COX4I1: variants seen among roughly 807,000 people sequenced by gnomAD.
COX4I1 encodes the protein cytochrome c oxidase subunit 4I1.
A neutral mutation model predicts 21.7 loss-of-function variants in COX4I1; 18 were observed. The ratio of observed to expected loss-of-function variants is 0.83; its 90% CI spans 0.57 to 1.23. COX4I1 has a LOEUF of 1.23. COX4I1 is among the 50% of genes most tolerant of loss of function. The pLI, the probability that COX4I1 is intolerant of heterozygous loss-of-function variation, is 0.00. For synonymous variants in COX4I1, 100 were observed against 81.5 expected, an observed-to-expected ratio of 1.23 and a Z score of -1.23; for missense variants, 238 against 220.7, an observed-to-expected ratio of 1.08 and a Z score of -0.50.
chr16:85,800,297 C>T (rs1905599449), intron 1 of COX4I1, among the ~76,000 whole-genome samples: 1 of 152,346 alleles, frequency 6.6e-6, no homozygotes, highest in South Asian at 2.1e-4. Context: ...ACCAGTCCTC[C>T]GAAGGGTCGA....
intron 2 of COX4I1, among the ~76,000 whole-genome samples, chr16:85,802,468 G>A (rs114418268): frequency 0.01 from 1,593 of 152,342 alleles, 21 homozygotes; most frequent in African/African-American, 0.036. Context: ...AGATGAAGAC[G>A]AACTGCAGGC....
chr16:85,805,292 C>T, intron 3 of COX4I1, 188 bp downstream of exon 3: 2 of 591,072 alleles, frequency 3.4e-6, no homozygotes, highest in South Asian at 4.6e-5. Context: ...GCTCTGCCAG[C>T]TGACAGGATC....
chr16:85,803,593 T>C (rs1905932700), intron 2 of COX4I1: 1 of 152,254 alleles, frequency 6.6e-6, no homozygotes, highest in Admixed American at 6.5e-5. Flanking sequence ...TTCTGATTTC[T>C]GAACTTTTTT....
intron 2 of COX4I1, among the ~76,000 whole-genome samples, chr16:85,802,607 G>C (rs925905919): frequency 2.6e-5 from 4 of 152,196 alleles, no homozygotes; most frequent in Admixed American, 1.3e-4. Flanking sequence ...AGTCAGTTGG[G>C]ATATTTGTGT....
chr16:85,803,690 C>G (rs1368535307), intron 2 of COX4I1: 1 of 152,242 alleles, frequency 6.6e-6, no homozygotes, highest in Non-Finnish European at 1.5e-5. Context: ...TCCTTCCTAC[C>G]TGTATAACAG....
chr16:85,805,072 G>A lies in COX4I1; in HGVS notation c.209G>A (p.Trp70Ter). The A allele has an allele frequency of 6.2e-7, 1 of 1,613,716 alleles. No individual in the cohort carries two copies. ...KALKEKEKAS[W>*]SSLSMDEKVE... ...TTGAAGGAGAAGGAGAAGGCCTCCT[G>A]GAGCAGCCTCTCCATGGATGAGAAA... The change falls in exon 3 of 5, where the codon TGG becomes TAG. Residue 70 changes from tryptophan to a stop codon, truncating the protein, a stop_gained. Transcript: ENST00000253452. LOFTEE classifies it high-confidence loss of function.
Position 85,801,334 on chromosome 16 carries a change from G to C in COX4I1, c.73+56G>C, listed in dbSNP as rs1314138149. On this transcript the variant is annotated intron_variant, in intron 2 of 4. Coordinates refer to ENST00000253452, the MANE Select transcript of COX4I1 (RefSeq NM_001861.6). ...GCTGAACTAATTTCATTTTGCTCCTGCTGTGTATAAAGCCCTGTGCTGGAG... is the reference window on the plus strand; with the variant it reads ...GCTGAACTAATTTCATTTTGCTCCTCCTGTGTATAAAGCCCTGTGCTGGAG... The C allele has an allele frequency of 1.6e-5, 24 of 1,501,496 alleles. No homozygotes were observed. The Admixed American group carries it at 2.9e-4, about 18-fold the overall frequency. The allele number at this position is 1,501,496 out of a possible 1,614,324, so 93.0% of individuals were successfully genotyped here.
intron 2 of COX4I1, among the ~76,000 whole-genome samples, chr16:85,801,666 A>G (rs1042654445): frequency 2.0e-5 from 3 of 152,196 alleles, no homozygotes; most frequent in Non-Finnish European, 4.4e-5. Context: ...AATGGAAACG[A>G]AAGAGCCTGG....
chr16:85,801,134 G>A, intron 1 of COX4I1, 71 bp from the exon 2 acceptor site: 1 of 1,345,980 alleles, frequency 7.4e-7, no homozygotes, highest in Non-Finnish European at 1.1e-6. Flanking sequence ...AAATGCTCTG[G>A]GGCAAAAAGA....
chr16:85,804,263 T>G (rs912309858), intron 2 of COX4I1: 3 of 152,284 alleles, frequency 2.0e-5, no homozygotes, highest in African/African-American at 4.8e-5. Flanking sequence ...CTCATTAGTT[T>G]GAGTCCCTTG....
intron 4 of COX4I1, 31 bp from the exon 5 acceptor site, chr16:85,806,704 ATAG>A (rs1906231026): frequency 3.1e-6 from 5 of 1,613,830 alleles, no homozygotes; most frequent in African/African-American, 1.3e-5. Flanking sequence ...ACCTGTTGAG[ATAG>A]TCTTGCCCCA....
chr16:85,801,465 C>T (rs1348278377), intron 2 of COX4I1, among the ~76,000 whole-genome samples, 187 bp downstream of exon 2: 2 of 152,118 alleles, frequency 1.3e-5, no homozygotes, highest in Non-Finnish European at 2.9e-5. Flanking sequence ...AATTGAATCT[C>T]TTCTGGATCT....
At chr16:85,806,406 T>G (rs534126257) in intron 4 of COX4I1, 3 of 642,918 alleles carry the variant, frequency 4.7e-6, no homozygotes, top group African/African-American at 4.9e-5. Flanking sequence ...ACTTTTGGTT[T>G]GAATGTGGAT....
At chr16:85,803,940 A>G (rs548019640) in intron 2 of COX4I1, 1 of 152,326 alleles carries the variant, frequency 6.6e-6, no homozygotes, top group South Asian at 2.1e-4. Context: ...ACTTTTTCCA[A>G]ACATGTGATT....
At position 85,805,876 on chromosome 16, in the gene COX4I1, G is replaced by A. The variant is rs769600744; in HGVS notation, c.373+12G>A. On this transcript the variant is annotated intron_variant, in intron 4 of 4. Coordinates refer to ENST00000253452, the MANE Select transcript of COX4I1 (RefSeq NM_001861.6). ...GCAGAAGCACTATGGTGAGTAGAGA[G>A]GGAGGAAGGCATGGGCGCCTGGACT... 6 of 1,613,878 alleles carry A rather than the reference G, an allele frequency of 3.7e-6. 1 individual carries two copies. The East Asian group carries it at 6.7e-5, about 18-fold the overall frequency.
intron 4 of COX4I1, 142 bp downstream of exon 4, chr16:85,806,006 A>C: frequency 8.2e-7 from 1 of 1,224,336 alleles, no homozygotes; most frequent in South Asian, 1.4e-5. Flanking sequence ...GATTGTTTCC[A>C]GGCCTTGGTG....
chr16:85,802,793 C>T (rs1232972559), intron 2 of COX4I1, among the ~76,000 whole-genome samples: 2 of 152,202 alleles, frequency 1.3e-5, no homozygotes, highest in Non-Finnish European at 2.9e-5. Context: ...CCCTTAATTG[C>T]TGGGGGACCA....
At chr16:85,806,484 T>C (rs1417358805) in intron 4 of COX4I1, 1 of 707,108 alleles carries the variant, frequency 1.4e-6, no homozygotes, top group African/African-American at 1.7e-5. Context: ...TGTCAGATCC[T>C]GTTATCCATA....
In COX4I1 at chr16:85,805,634, T is replaced by C. The variant is rs892333080; in HGVS notation, c.242-99T>C. 8.4e-6 allele frequency: 13 copies of C among 1,553,188 alleles called. No individual in the cohort carries two copies. In the Admixed American group the frequency reaches 2.3e-4, roughly 27 times the overall value. On this transcript the variant is annotated intron_variant, in intron 3 of 4. Coordinates refer to ENST00000253452, the MANE Select transcript of COX4I1 (RefSeq NM_001861.6). ...GTGTATCCTTCAGCTCTGTGTTTCC[T>C]CCTTCACAAGTGTGGTTTTGGGGAG...
Sources: allele counts gnomAD v4.1 joint callset (sites outside exome capture counted in the v4.1 genomes callset), GRCh38; gene constraint gnomAD v4.1.1; transcripts MANE v1.5; gene names NCBI Gene and HGNC (gene_info 2026-07-23, HGNC 2026-07-21).